Variants in SYNJ2 observed in about 807,000 individuals in gnomAD.
SYNJ2 encodes the protein synaptojanin 2, also known as polyphosphatidylinositol phosphatase SYNJ2.
SYNJ2 carries 116 observed loss-of-function variants against 141.3 expected under a neutral mutation model. The ratio of observed to expected loss-of-function variants is 0.82; its 90% confidence interval spans 0.71 to 0.96. The LOEUF (loss-of-function observed/expected upper bound fraction) is 0.96. SYNJ2 is among the 40% of genes least tolerant of loss of function. The probability of loss-of-function intolerance (pLI) is 0.00; values close to 1 mark genes in which losing one functional copy is unlikely to be tolerated. For missense variants in SYNJ2, 1,873 were observed against 1,934.8 expected, an observed-to-expected ratio of 0.97 and a Z score of 0.60; for synonymous variants, 745 against 777.7, an observed-to-expected ratio of 0.96 and a Z score of 0.70.
chr6:158,043,521 C>T lies in SYNJ2; in HGVS notation c.795+122C>T. On this transcript the variant is annotated intron_variant, in intron 5 of 26. Coordinates refer to ENST00000355585, the MANE Select transcript of SYNJ2 (RefSeq NM_003898.4). This position sits in a 1 kb window ranked among gnomAD's most constrained non-coding sequence, Gnocchi z 4.0. ...CATGGCATAGTTTCCAGTCTTTTTC[C>T]TCAGCCCTGTTGTGTTGAGCTGAGC... 1.4e-6 allele frequency: 1 copy of T among 706,244 alleles called. No individual in the cohort carries two copies. Among genetic ancestry groups the T allele is most frequent in the Non-Finnish European group, 2.4e-6 (1 of 414,244 alleles). 43.7% of individuals were successfully genotyped at this position (706,244 alleles called of 1,614,324 possible).
chr6:158,014,151 G>A (rs1019805473), intron 1 of SYNJ2, among the ~76,000 whole-genome samples: 1 of 152,218 alleles, frequency 6.6e-6, no homozygotes, highest in Admixed American at 6.5e-5. Flanking sequence ...CTTTCAGAAA[G>A]TAGGCTTTGT....
At chr6:158,092,573 C>T (rs1199199301) in intron 25 of SYNJ2, among the ~76,000 whole-genome samples, 2 of 152,044 alleles carry the variant, frequency 1.3e-5, no homozygotes, top group African/African-American at 2.4e-5. Flanking sequence ...CCAGGAGTTC[C>T]AGCAACATAG....
rs1262590812 is a variant in SYNJ2, at chr6:158,043,342, A to G, written c.738A>G (p.Ser246=). The G allele has an allele frequency of 2.5e-6, 4 of 1,614,092 alleles. No homozygotes were observed. Among genetic ancestry groups the G allele is most frequent in the East Asian group, 2.2e-5 (1 of 44,880 alleles). ...EQMIYMDDGV[S]SFVQIRGSVP... ...TGATTTACATGGACGATGGAGTGTCATCTTTTGTCCAGATCAGAGGCTCCG... is the reference window on the plus strand; with the variant it reads ...TGATTTACATGGACGATGGAGTGTCGTCTTTTGTCCAGATCAGAGGCTCCG... Residue 246 remains serine, a synonymous_variant, in exon 5 of 27, where the codon TCA becomes TCG. Coordinates refer to ENST00000355585, the MANE Select transcript of SYNJ2 (RefSeq NM_003898.4). The surrounding 1 kb of genome is among the most constrained non-coding windows in gnomAD (Gnocchi z 4.0).
At chr6:158,068,033 G>T in intron 12 of SYNJ2, 2 of 970,238 alleles carry the variant, frequency 2.1e-6, no homozygotes, top group Non-Finnish European at 2.4e-6. Context: ...ACACTAGCAG[G>T]CTCCCCAGCA....
In SYNJ2 at chr6:158,076,432, C is replaced by T. The variant is rs147535435; in HGVS notation, c.2293-194C>T. On this transcript the variant is annotated intron_variant, in intron 16 of 26. Transcript: ENST00000355585. ...ATAGATACGAGGGCGGTGTGTCCCTCAGTGGGATGAGCTGAGGATCACTTT... is the reference window on the plus strand; with the variant it reads ...ATAGATACGAGGGCGGTGTGTCCCTTAGTGGGATGAGCTGAGGATCACTTT... 3.2e-4 allele frequency among the ~76,000 whole-genome samples: 48 copies of T among 152,280 alleles called. No individual in the cohort carries two copies. In the East Asian group the frequency reaches 7.5e-3, roughly 24 times the overall value.
chr6:158,017,210 A>G lies in SYNJ2; in HGVS notation c.134A>G (p.Glu45Gly). The change falls in exon 2 of 27, where the codon GAA becomes GGA. Residue 45 changes from glutamate to glycine, a missense_variant. Transcript: ENST00000355585. ...TGATGTGTTTCTTCCCCAGCTCCAG[A>G]AGAAAAGGAAGTCATTAAAGGACAG... is the stretch of plus-strand genomic sequence containing the variant. ...EAGTVATLAP[E>G]EKEVIKGQYG... 2 of 1,612,948 alleles carry G rather than the reference A, an allele frequency of 1.2e-6. No individual in the cohort carries two copies. Among genetic ancestry groups the G allele is most frequent in the African/African-American group, 1.3e-5 (1 of 74,968 alleles).
Position 158,064,978 on chromosome 6 carries a change from C to A in SYNJ2, c.1512C>A (p.Ser504Arg). The change falls in exon 11 of 27, where the codon AGC (serine) becomes AGA (arginine). Residue 504 changes from serine to arginine, a missense_variant. Ser to Arg is a moderately radical substitution (Grantham distance 110). Coordinates refer to ENST00000355585, the MANE Select transcript of SYNJ2 (RefSeq NM_003898.4). ...VADKGGMLLD[S>R]TALLVTPRIL... Reference sequence around the variant, plus strand: ...ACAAAGGGGGCATGCTGCTGGACAGCACGGCGCTCCTGGGTAGGGCCTGCC... The same window carrying A: ...ACAAAGGGGGCATGCTGCTGGACAGAACGGCGCTCCTGGGTAGGGCCTGCC... 8.8e-6 allele frequency: 14 copies of A among 1,583,706 alleles called. No individual in the cohort carries two copies. The highest frequency in any genetic ancestry group is 1.2e-5 in the Non-Finnish European group (14 of 1,164,020).
intron 1 of SYNJ2, among the ~76,000 whole-genome samples, chr6:158,009,710 G>A (rs959305181): frequency 6.6e-6 from 1 of 152,212 alleles, no homozygotes; most frequent in African/African-American, 2.4e-5. Context: ...GTTGCAAATG[G>A]GCAGGCCAAA....
chr6:158,000,297 G>A lies in SYNJ2; in HGVS notation c.128-16907G>A, dbSNP rs184912916. ...AGAGCAGACATGTATGGAGAAGGCC[G>A]GAGAGTCACAAACCATATGTGCCTG... On this transcript the variant is annotated intron_variant, in intron 1 of 26. Transcript: ENST00000355585. Among the ~76,000 whole-genome samples the A allele has an allele frequency of 7.9e-4, 120 of 152,156 alleles. 2 individuals are homozygous for A. Among genetic ancestry groups the A allele is most frequent in the African/African-American group, 2.7e-3 (114 of 41,522 alleles).
At chr6:157,999,497 C>A (rs1777756278) in intron 1 of SYNJ2, among the ~76,000 whole-genome samples, 1 of 152,248 alleles carries the variant, frequency 6.6e-6, no homozygotes, top group African/African-American at 2.4e-5. Context: ...CCAGATTGAG[C>A]CTGCCCTCTA....
chr6:158,055,007 C>A lies in SYNJ2; in HGVS notation c.836C>A (p.Ala279Asp). The A allele has an allele frequency of 6.2e-7, 1 of 1,614,018 alleles. No individual in the cohort carries two copies. Among genetic ancestry groups the A allele is most frequent in the East Asian group, 2.2e-5 (1 of 44,886 alleles). ...CTGAGACTCCACAGAGGCCTGGAAG[C>A]CAATGCCCCTGCTTTCGACAGGTAG... ...HHLRLHRGLE[A>D]NAPAFDRHMV... Residue 279 changes from alanine to aspartate, a missense_variant, in exon 6 of 27, where the codon GCC (alanine) becomes GAC (aspartate). Coordinates refer to ENST00000355585, the MANE Select transcript of SYNJ2 (RefSeq NM_003898.4).
In SYNJ2 at chr6:158,098,025, G is replaced by T. The variant is rs1783879789; in HGVS notation, c.*1661G>T. On this transcript the variant is annotated 3_prime_UTR_variant, in exon 27 of 27. Transcript: ENST00000355585. ...GAATGGTCCTTAACAGAGTTTGGGGGAGAGAGCAAGATGGGTTCCTTGGAG... is the reference window on the plus strand; with the variant it reads ...GAATGGTCCTTAACAGAGTTTGGGGTAGAGAGCAAGATGGGTTCCTTGGAG... 2 of 152,188 alleles carry T rather than the reference G, an allele frequency of 1.3e-5. No homozygotes were observed. The highest frequency in any genetic ancestry group is 4.1e-4 in the South Asian group (2 of 4,826). The allele number at this position is 152,188 out of a possible 1,614,324, so 9.4% of individuals were successfully genotyped here.
chr6:158,028,608 T>G, intron 2 of SYNJ2, 148 bp from the exon 3 acceptor site: 15 of 1,029,362 alleles, frequency 1.5e-5, no homozygotes, highest in South Asian at 3.2e-5. Context: ...TCTTGAGCCA[T>G]TGAGTTGGGC....
intron 18 of SYNJ2, among the ~76,000 whole-genome samples, chr6:158,080,712 T>G (rs982120546): frequency 5.3e-5 from 8 of 152,196 alleles, no homozygotes; most frequent in African/African-American, 1.9e-4. Flanking sequence ...TGCAGATGTC[T>G]GCTTCCCCAC....
chr6:158,039,341 G>A (rs76392335), intron 4 of SYNJ2, among the ~76,000 whole-genome samples: 2 of 152,246 alleles, frequency 1.3e-5, no homozygotes, highest in Non-Finnish European at 2.9e-5. Flanking sequence ...GTTCTTCTAG[G>A]ATGAGTCAGG....
chr6:158,083,315 A>G, intron 20 of SYNJ2, 114 bp from the exon 21 acceptor site: 2 of 1,298,102 alleles, frequency 1.5e-6, no homozygotes, highest in South Asian at 1.4e-5. Context: ...TTCAGGGCCA[A>G]ATGTGAAGAT....
intron 16 of SYNJ2, among the ~76,000 whole-genome samples, chr6:158,076,268 C>T (rs764465971): frequency 1.3e-5 from 2 of 152,110 alleles, no homozygotes; most frequent in African/African-American, 4.8e-5. Flanking sequence ...ATGAAGGCCT[C>T]GGGGTTGTGG....
chr6:158,009,692 G>A (rs1392347176), intron 1 of SYNJ2, among the ~76,000 whole-genome samples: 1 of 152,210 alleles, frequency 6.6e-6, no homozygotes, highest in Non-Finnish European at 1.5e-5. Flanking sequence ...AAGAAAGGGG[G>A]GATGGAAGTT....
In SYNJ2 at chr6:158,027,281, A is replaced by G. The variant is rs1018485596; in HGVS notation, c.215-1475A>G. 32 of 856,662 alleles carry G rather than the reference A, an allele frequency of 3.7e-5. No homozygotes were observed. The highest frequency in any genetic ancestry group is 3.9e-5 in the Non-Finnish European group (28 of 712,734). The allele number at this position is 856,662 out of a possible 1,614,324, so 53.1% of individuals were successfully genotyped here. ...TGGCTGTAGACAGCGGCCCTTGATC[A>G]TTCACAGAAGATCTCGCTGGGCGGA... On this transcript the variant is annotated intron_variant, in intron 2 of 26. Transcript: ENST00000355585. This position sits in a 1 kb window ranked among gnomAD's most constrained non-coding sequence, Gnocchi z 4.6.
Sources: allele counts gnomAD v4.1 joint callset (sites outside exome capture counted in the v4.1 genomes callset), GRCh38; gene constraint gnomAD v4.1.1; non-coding constraint Gnocchi (gnomAD v3.1); transcripts MANE v1.5; gene names NCBI Gene and HGNC (gene_info 2026-07-23, HGNC 2026-07-21).